The following PCDH15 variants were observed in gnomAD, a reference collection of about 807,000 sequenced individuals.
PCDH15 encodes protocadherin-15.
A neutral mutation model predicts 178.5 loss-of-function variants in PCDH15; 129 were observed. The ratio of observed to expected loss-of-function variants is 0.72; its 90% confidence interval spans 0.63 to 0.84. The LOEUF is 0.84. Ranked by LOEUF, PCDH15 falls within the 40% of genes least tolerant of loss-of-function variation. PCDH15 has a pLI of 0.00. For missense variants in PCDH15, 2,230 were observed against 2,099.9 expected (o/e 1.06, Z -1.21); for synonymous variants, 800 against 732.0 (o/e 1.09, Z -1.50).
At chr10:54,396,782 A>G (rs1239451744) in intron 3 of PCDH15, among the ~76,000 whole-genome samples, 1 of 151,818 alleles carries the variant, frequency 6.6e-6, no homozygotes, top group Non-Finnish European at 1.5e-5. Context: ...GCATCAGGAA[A>G]TACTTAGGCA....
chr10:54,286,573 A>G (rs1324764346), intron 8 of PCDH15, among the ~76,000 whole-genome samples: 1 of 152,212 alleles, frequency 6.6e-6, no homozygotes, highest in Non-Finnish European at 1.5e-5. Context: ...AGAAATTGTA[A>G]TGTTTTTGTT....
chr10:54,203,775 A>C (rs1415822348), intron 10 of PCDH15, among the ~76,000 whole-genome samples: 1 of 152,186 alleles, frequency 6.6e-6, no homozygotes, highest in African/African-American at 2.4e-5. Flanking sequence ...AGCAAGGTGC[A>C]GGCTGCATAT....
intron 2 of PCDH15, among the ~76,000 whole-genome samples, chr10:55,481,354 G>T (rs1840177080): frequency 6.6e-6 from 1 of 151,466 alleles, no homozygotes; most frequent in Admixed American, 6.6e-5. Context: ...TCTGATTTTG[G>T]TTATTTCTTG....
rs186879031 is a variant in PCDH15, at chr10:55,588,364, C to T, written c.-156+39261G>A. Among the ~76,000 whole-genome samples the T allele has an allele frequency of 2.1e-3, 325 of 152,212 alleles. 2 individuals are homozygous for T. The highest frequency in any genetic ancestry group is 7.1e-3 in the African/African-American group (296 of 41,546). The stretch of plus-strand genomic sequence containing the variant: ...GAAAATTTTTACTGTTCAAAGCTGA[C>T]ATTAATTCAAAGCTACCAAGTATTA... On this transcript the variant is annotated intron_variant, in intron 2 of 5. Transcript: ENST00000613346.
At chr10:54,666,863 C>A (rs2094580721) in intron 1 of PCDH15, among the ~76,000 whole-genome samples, 1 of 151,926 alleles carries the variant, frequency 6.6e-6, no homozygotes, top group Non-Finnish European at 1.5e-5. Context: ...CAAATTATGG[C>A]ATATTCTTTT....
intron 2 of PCDH15, among the ~76,000 whole-genome samples, chr10:55,404,452 GATGAGT>G (rs1474015342): frequency 6.6e-6 from 1 of 151,914 alleles, no homozygotes; most frequent in Non-Finnish European, 1.5e-5. Context: ...ATTATAATCT[GATGAGT>G]ATAAGATATG....
chr10:54,314,122 A>G (rs932456046), intron 8 of PCDH15, among the ~76,000 whole-genome samples: 1 of 100,646 alleles, frequency 9.9e-6, no homozygotes, highest in Non-Finnish European at 2.0e-5. Flanking sequence ...AAGGATTTTA[A>G]TTGGAAGTAC....
intron 2 of PCDH15, among the ~76,000 whole-genome samples, chr10:55,354,422 A>G (rs1231463452): frequency 6.6e-6 from 1 of 152,148 alleles, no homozygotes; most frequent in African/African-American, 2.4e-5. Flanking sequence ...AGAGATGTCA[A>G]TTAATAAATA....
chr10:54,461,124 G>A (rs966732049), intron 3 of PCDH15, among the ~76,000 whole-genome samples: 2 of 151,836 alleles, frequency 1.3e-5, no homozygotes, highest in Non-Finnish European at 2.9e-5. Flanking sequence ...CAATTCAGAA[G>A]CAACATCAAA....
chr10:55,482,698 A>T (rs991788076), intron 2 of PCDH15, among the ~76,000 whole-genome samples: 5 of 151,678 alleles, frequency 3.3e-5, no homozygotes, highest in Admixed American at 3.3e-4. Context: ...TGTTAGTCTG[A>T]TGGGCTTCCC....
Position 55,300,045 on chromosome 10 carries a change from A to C in PCDH15, c.-156+19554T>G, listed in dbSNP as rs138900311. Among the ~76,000 whole-genome samples the C allele has an allele frequency of 1.1e-3, 173 of 152,324 alleles. 1 individual carries two copies. The highest frequency in any genetic ancestry group is 3.9e-3 in the African/African-American group (164 of 41,566). On this transcript the variant is annotated intron_variant, in intron 1 of 5. Coordinates refer to the PCDH15 transcript ENST00000458638. ...AATAAATGCAATATATATAGTTAGC[A>C]AATTTGATTAGACAATTCTCACACT...
intron 3 of PCDH15, among the ~76,000 whole-genome samples, chr10:54,877,444 T>C (rs1205218831): frequency 6.6e-6 from 1 of 152,146 alleles, no homozygotes. Context: ...TATTGGACCA[T>C]GGATATGATG....
intron 22 of PCDH15, 119 bp downstream of exon 22, chr10:53,961,633 T>C (rs897495945): frequency 1.4e-6 from 1 of 725,288 alleles, no homozygotes. Context: ...AAAATTGTAA[T>C]TTAAAAAAAT....
chr10:53,837,447 C>A (rs1024170795), intron 29 of PCDH15, among the ~76,000 whole-genome samples: 4 of 152,046 alleles, frequency 2.6e-5, no homozygotes, highest in Admixed American at 2.6e-4. Context: ...TCATTCCAGT[C>A]CTGTCTATGC....
intron 20 of PCDH15, among the ~76,000 whole-genome samples, chr10:54,019,770 A>G (rs1214660195): frequency 6.6e-6 from 1 of 152,002 alleles, no homozygotes; most frequent in African/African-American, 2.4e-5. Flanking sequence ...TTCATTCCAG[A>G]GGTTTGGGCC....
intron 3 of PCDH15, among the ~76,000 whole-genome samples, chr10:54,450,056 G>A (rs1430855904): frequency 6.6e-6 from 1 of 150,960 alleles, no homozygotes; most frequent in Non-Finnish European, 1.5e-5. Context: ...AGCTCAAATA[G>A]AGAACCTCTC....
At chr10:54,292,253 C>T (rs1195120549) in intron 8 of PCDH15, among the ~76,000 whole-genome samples, 3 of 152,054 alleles carry the variant, frequency 2.0e-5, no homozygotes, top group African/African-American at 7.2e-5. Flanking sequence ...CAGAAAAGAC[C>T]TTCAACAAAA....
chr10:54,114,643 C>T (rs946016987), intron 15 of PCDH15, among the ~76,000 whole-genome samples: 1 of 152,076 alleles, frequency 6.6e-6, no homozygotes, highest in Admixed American at 6.5e-5. Context: ...TAACAGAAAG[C>T]ACAGCATGTT....
chr10:54,236,498 A>G (rs1391546799), intron 9 of PCDH15, among the ~76,000 whole-genome samples: 1 of 152,112 alleles, frequency 6.6e-6, no homozygotes, highest in African/African-American at 2.4e-5. Context: ...ATTTTATATT[A>G]AAGCTGAAAG....
Sources: allele counts gnomAD v4.1 joint callset (sites outside exome capture counted in the v4.1 genomes callset), GRCh38; gene constraint gnomAD v4.1.1; transcripts MANE v1.5; gene names NCBI Gene and HGNC (gene_info 2026-07-23, HGNC 2026-07-21).